FAF1: variants seen among roughly 807,000 people sequenced by gnomAD.
The protein encoded by FAF1 is Fas associated factor 1.
In FAF1, 25 loss-of-function variants were observed where a neutral mutation model predicts 92.5. The observed-to-expected ratio is 0.27, with a 90% CI of 0.20 to 0.38. The LOEUF (loss-of-function observed/expected upper bound fraction) is 0.38. Ranked by LOEUF, FAF1 falls within the 10% of genes least tolerant of loss-of-function variation. The pLI is 1.00. For missense variants in FAF1, 636 were observed against 793.3 expected (o/e 0.80, Z 2.38); for synonymous variants, 234 against 273.2 (o/e 0.86, Z 1.42).
intron 2 of FAF1, among the ~76,000 whole-genome samples, chr1:50,807,875 A>T (rs1333462309): frequency 6.6e-6 from 1 of 152,198 alleles, no homozygotes; most frequent in African/African-American, 2.4e-5. Context: ...CAACCTTGCT[A>T]AACATGCCAA....
At chr1:50,601,057 T>A (rs1652099581) in intron 8 of FAF1, among the ~76,000 whole-genome samples, 1 of 152,210 alleles carries the variant, frequency 6.6e-6, no homozygotes, top group Admixed American at 6.5e-5. Flanking sequence ...TGTGTACATA[T>A]GCAACTAATT....
chr1:50,544,014 T>C (rs1226722006), intron 13 of FAF1, among the ~76,000 whole-genome samples: 2 of 152,098 alleles, frequency 1.3e-5, no homozygotes, highest in African/African-American at 4.8e-5. Flanking sequence ...AGAAATCCAT[T>C]CCTGGGATTG....
chr1:50,776,723 T>A (rs1331724086), intron 4 of FAF1, among the ~76,000 whole-genome samples: 2 of 151,644 alleles, frequency 1.3e-5, no homozygotes, highest in Admixed American at 1.3e-4. Context: ...AAAGAAAAAG[T>A]GTGATGTGGC....
chr1:50,689,392 C>T (rs541540777), intron 7 of FAF1, among the ~76,000 whole-genome samples: 9 of 152,156 alleles, frequency 5.9e-5, no homozygotes, highest in Admixed American at 1.3e-4. Flanking sequence ...AGACCATCCT[C>T]GCTAACACAG....
intron 13 of FAF1, among the ~76,000 whole-genome samples, chr1:50,563,714 C>T (rs1453882864): frequency 6.6e-6 from 1 of 152,140 alleles, no homozygotes; most frequent in Non-Finnish European, 1.5e-5. Flanking sequence ...AATGAATAAG[C>T]TCTTCAGGAG....
intron 4 of FAF1, among the ~76,000 whole-genome samples, chr1:50,783,643 G>A (rs112299817): frequency 0.066 from 10,084 of 152,222 alleles, 411 homozygotes; most frequent in East Asian, 0.095. Context: ...GGAGGCTGAG[G>A]TGGGCGGATC....
intron 6 of FAF1, among the ~76,000 whole-genome samples, chr1:50,714,232 G>A (rs1334654736): frequency 2.7e-5 from 4 of 149,150 alleles, no homozygotes; most frequent in African/African-American, 7.4e-5. Context: ...CCTGGGTGTC[G>A]TGGCTCACGC....
intron 9 of FAF1, among the ~76,000 whole-genome samples, chr1:50,592,422 A>T (rs1298056480): frequency 6.6e-6 from 1 of 152,078 alleles, no homozygotes; most frequent in Non-Finnish European, 1.5e-5. Flanking sequence ...GGTATCCAGA[A>T]ATATGGAAAA....
At chr1:50,772,728 T>C (rs985538540) in intron 4 of FAF1, among the ~76,000 whole-genome samples, 2 of 151,856 alleles carry the variant, frequency 1.3e-5, no homozygotes, top group African/African-American at 4.8e-5. Context: ...AGGGTGAAGA[T>C]CAAAAAAACT....
At chr1:50,927,410 G>A (rs952556703) in intron 1 of FAF1, among the ~76,000 whole-genome samples, 6 of 151,916 alleles carry the variant, frequency 3.9e-5, no homozygotes, top group East Asian at 1.9e-4. Flanking sequence ...TTGAAACCCC[G>A]TTTCTACTAA....
chr1:50,745,162 G>A (rs774894509), intron 4 of FAF1, among the ~76,000 whole-genome samples: 12 of 152,034 alleles, frequency 7.9e-5, no homozygotes, highest in East Asian at 1.9e-4. Context: ...TTAGCCAAGC[G>A]TGGTGGCACA....
At chr1:50,575,309 A>G (rs1222570176) in intron 12 of FAF1, among the ~76,000 whole-genome samples, 1 of 152,224 alleles carries the variant, frequency 6.6e-6, no homozygotes, top group Non-Finnish European at 1.5e-5. Flanking sequence ...GGCAGATCTG[A>G]TAATTGGAGA....
rs900432847 is a variant in FAF1 at position 50,651,891 on chromosome 1, G to A, written c.744+3551C>T. 3.3e-5 allele frequency among the ~76,000 whole-genome samples: 5 copies of A among 152,086 alleles called. No homozygotes were observed. In the East Asian group the frequency reaches 5.8e-4, roughly 18 times the overall value. ...ATACTCCTAATGAAAAAGGTTTTAC[G>A]ACATATTATTTGGCCAGGATCTCCT... is the stretch of plus-strand genomic sequence containing the variant. On this transcript the variant is annotated intron_variant, in intron 8 of 18. Transcript: ENST00000396153.
intron 3 of FAF1, among the ~76,000 whole-genome samples, chr1:50,793,440 C>T (rs1207679846): frequency 6.6e-6 from 1 of 152,074 alleles, no homozygotes; most frequent in Non-Finnish European, 1.5e-5. Flanking sequence ...AGTTTTGGCC[C>T]AAATCAACTC....
intron 3 of FAF1, among the ~76,000 whole-genome samples, chr1:50,794,855 T>C (rs1661689705): frequency 6.6e-6 from 1 of 151,816 alleles, no homozygotes; most frequent in South Asian, 2.1e-4. Flanking sequence ...CAGGCTGGTC[T>C]TGAACTCCTG....
chr1:50,944,673 C>A (rs1170747379), intron 1 of FAF1, among the ~76,000 whole-genome samples: 3 of 152,200 alleles, frequency 2.0e-5, no homozygotes, highest in Non-Finnish European at 4.4e-5. Context: ...TAGTCACTAT[C>A]CTGATGACCT....
At chr1:50,590,308 C>A (rs1308160722) in intron 9 of FAF1, among the ~76,000 whole-genome samples, 1 of 152,116 alleles carries the variant, frequency 6.6e-6, no homozygotes, top group African/African-American at 2.4e-5. Flanking sequence ...TTATTTATAT[C>A]TTCTTTAATT....
At chr1:50,841,268 C>T (rs939983790) in intron 2 of FAF1, among the ~76,000 whole-genome samples, 5 of 151,968 alleles carry the variant, frequency 3.3e-5, no homozygotes, top group Non-Finnish European at 7.4e-5. Context: ...TCAACATTTA[C>T]GTATTTTCTC....
At chr1:50,882,472 C>A (rs1368037237) in intron 1 of FAF1, among the ~76,000 whole-genome samples, 3 of 151,912 alleles carry the variant, frequency 2.0e-5, no homozygotes, top group Non-Finnish European at 4.4e-5. Flanking sequence ...CATGGTGACA[C>A]ATGCCTGTAA....
Sources: gnomAD v4.1 joint callset for allele counts (sites outside exome capture counted in the v4.1 genomes callset) on GRCh38, gnomAD v4.1.1 for gene constraint, MANE v1.5 for transcripts, NCBI Gene and HGNC (gene_info 2026-07-23, HGNC 2026-07-21) for gene names.